SLC24A2: variants seen among roughly 807,000 people sequenced by gnomAD.
SLC24A2 encodes the protein sodium/potassium/calcium exchanger 2.
Under a neutral mutation model 62.0 loss-of-function variants are expected in SLC24A2, and 36 were observed. The observed-to-expected ratio is 0.58, with a 90% CI of 0.44 to 0.77. The LOEUF is 0.77. Among genes scored for constraint, SLC24A2 ranks in the 30% least tolerant of loss-of-function variants. SLC24A2 has a pLI of 0.00. For synonymous variants in SLC24A2, 358 were observed against 294.0 expected (o/e 1.22, Z -2.23); for missense variants, 846 against 817.9 (o/e 1.03, Z -0.42).
chr9:20,162,338 A>G, the SLC24A2 span, among the ~76,000 whole-genome samples: 4 of 151,948 alleles, frequency 2.6e-5, no homozygotes, highest in South Asian at 8.3e-4. Context: ...TAAAATGCCT[A>G]GGCATAAATT....
At chr9:20,096,906 G>A in the SLC24A2 span, among the ~76,000 whole-genome samples, 6 of 151,966 alleles carry the variant, frequency 3.9e-5, no homozygotes, top group South Asian at 2.1e-4. Flanking sequence ...GTGGTGATTC[G>A]TCTTTTTCCC....
At chr9:19,711,261 T>C (rs985197711) in intron 2 of SLC24A2, among the ~76,000 whole-genome samples, 3 of 152,236 alleles carry the variant, frequency 2.0e-5, no homozygotes, top group African/African-American at 7.2e-5. Flanking sequence ...GATAATGCAA[T>C]TGCTCTGACG....
At chr9:19,783,737 C>T (rs745796689) in intron 2 of SLC24A2, among the ~76,000 whole-genome samples, 3 of 152,168 alleles carry the variant, frequency 2.0e-5, no homozygotes, top group Admixed American at 2.0e-4. Flanking sequence ...GGAAATCACA[C>T]ATCCTTATGC....
chr9:19,698,649 C>T (rs1237123415), intron 2 of SLC24A2, among the ~76,000 whole-genome samples: 1 of 152,126 alleles, frequency 6.6e-6, no homozygotes, highest in Admixed American at 6.6e-5. Context: ...GCAGTGTGCA[C>T]TCTGGGGATA....
the SLC24A2 span, among the ~76,000 whole-genome samples, chr9:20,257,399 T>TG: frequency 6.6e-6 from 1 of 151,914 alleles, no homozygotes; most frequent in Non-Finnish European, 1.5e-5. Flanking sequence ...CCTGGTGCCC[T>TG]TTTTTTTCTA....
chr9:20,083,064 A>G, the SLC24A2 span, among the ~76,000 whole-genome samples: 3 of 152,172 alleles, frequency 2.0e-5, no homozygotes, highest in African/African-American at 4.8e-5. Flanking sequence ...CATTAAGCAT[A>G]TCTCCTTGTA....
chr9:19,922,027 G>C, the SLC24A2 span, among the ~76,000 whole-genome samples: 1 of 152,212 alleles, frequency 6.6e-6, no homozygotes, highest in South Asian at 2.1e-4. Context: ...AATGTACCTT[G>C]ATTCATCTAC....
the SLC24A2 span, among the ~76,000 whole-genome samples, chr9:20,205,789 T>C: frequency 1.3e-5 from 2 of 152,148 alleles, no homozygotes; most frequent in African/African-American, 4.8e-5. Context: ...CACTATTTGC[T>C]ATCAGTTATG....
At chr9:19,724,478 A>AATGTCT (rs1564064749) in intron 2 of SLC24A2, among the ~76,000 whole-genome samples, 1 of 152,212 alleles carries the variant, frequency 6.6e-6, no homozygotes, top group Non-Finnish European at 1.5e-5. Flanking sequence ...GAACTGGGGA[A>AATGTCT]ATGTCTAAAC....
chr9:19,543,501 CTAG>C (rs2132717042), intron 8 of SLC24A2, among the ~76,000 whole-genome samples: 1 of 151,768 alleles, frequency 6.6e-6, no homozygotes, highest in East Asian at 1.9e-4. Context: ...TCTTGCTTCT[CTAG>C]TTCTTTTAAT....
the SLC24A2 span, among the ~76,000 whole-genome samples, chr9:19,829,761 ATATATG>A: frequency 1.9e-5 from 1 of 52,460 alleles, no homozygotes; most frequent in Non-Finnish European, 5.1e-5. Flanking sequence ...AGTTTTATAT[ATATATG>A]TGTGTGTGTG....
At chr9:20,125,490 C>A in the SLC24A2 span, among the ~76,000 whole-genome samples, 1 of 152,144 alleles carries the variant, frequency 6.6e-6, no homozygotes, top group African/African-American at 2.4e-5. Flanking sequence ...TTAAAACTTC[C>A]TATACATATA....
the SLC24A2 span, among the ~76,000 whole-genome samples, chr9:19,917,361 T>C: frequency 6.6e-6 from 1 of 151,036 alleles, no homozygotes; most frequent in Non-Finnish European, 1.5e-5. Context: ...GTGGTTTTTT[T>C]TTTTTTGGCA....
At chr9:19,752,391 T>C (rs1182675) in intron 2 of SLC24A2, among the ~76,000 whole-genome samples, 88,204 of 151,888 alleles carry the variant, frequency 0.58, 25,894 homozygotes, top group African/African-American at 0.62. Flanking sequence ...TGGCAGAATC[T>C]GAATGAGAAA....
intron 2 of SLC24A2, among the ~76,000 whole-genome samples, chr9:19,636,437 C>G (rs112403861): frequency 7.4e-6 from 1 of 134,958 alleles, no homozygotes; most frequent in Non-Finnish European, 1.6e-5. Flanking sequence ...CTTCTCTTCT[C>G]TTTTCTTTTT....
rs1834784439 is a variant in SLC24A2 at position 19,550,357 on chromosome 9, T to G, written c.1348-89A>C. 3 of 1,372,910 alleles carry G rather than the reference T, an allele frequency of 2.2e-6. No individual in the cohort carries two copies. In the South Asian group the frequency reaches 3.5e-5, roughly 16 times the overall value. 85.0% of individuals were successfully genotyped at this position (1,372,910 alleles called of 1,614,324 possible). On this transcript the variant is annotated intron_variant, in intron 7 of 10. Coordinates refer to ENST00000341998, the MANE Select transcript of SLC24A2 (RefSeq NM_020344.4). ...CAGGAGCACAGAACAAAGGGGAAGC[T>G]CCATGTCTTATCAGTTTTCTGGACT...
upstream of SLC24A2, among the ~76,000 whole-genome samples, chr9:19,789,522 G>C (rs540495579): frequency 1.1e-4 from 17 of 152,326 alleles, no homozygotes; most frequent in East Asian, 2.7e-3. Context: ...CACTGCAGGG[G>C]CTTCAGTCTT....
chr9:20,038,892 C>G, the SLC24A2 span, among the ~76,000 whole-genome samples: 17 of 152,216 alleles, frequency 1.1e-4, no homozygotes, highest in South Asian at 3.1e-3. Flanking sequence ...AAGAGAAAAT[C>G]AAACTGAATT....
chr9:19,577,546 A>G (rs888571225), intron 5 of SLC24A2, among the ~76,000 whole-genome samples: 1 of 152,220 alleles, frequency 6.6e-6, no homozygotes, highest in African/African-American at 2.4e-5. Context: ...AACCTGTCTT[A>G]TAATTAACAT....
Sources: allele counts gnomAD v4.1 joint callset (sites outside exome capture counted in the v4.1 genomes callset), GRCh38; gene constraint gnomAD v4.1.1; transcripts MANE v1.5; gene names NCBI Gene and HGNC (gene_info 2026-07-23, HGNC 2026-07-21).